SLC16A12: variants seen among roughly 807,000 people sequenced by gnomAD.
SLC16A12 encodes the protein monocarboxylate transporter 12.
Under a neutral mutation model 42.4 loss-of-function variants are expected in SLC16A12, and 17 were observed. The ratio of observed to expected loss-of-function variants is 0.40; its 90% CI spans 0.27 to 0.60. The LOEUF is 0.60. SLC16A12 is among the 20% of genes least tolerant of loss of function. SLC16A12 has a pLI of 0.42. For missense variants in SLC16A12, 544 were observed against 623.0 expected (o/e 0.87, Z 1.35); for synonymous variants, 224 against 229.4 (o/e 0.98, Z 0.21).
intron 2 of SLC16A12, among the ~76,000 whole-genome samples, chr10:89,529,258 G>A (rs2133866898): frequency 6.6e-6 from 1 of 152,226 alleles, no homozygotes; most frequent in South Asian, 2.1e-4. Context: ...CCCATGGAAA[G>A]TATTCCATCA....
intron 2 of SLC16A12, among the ~76,000 whole-genome samples, chr10:89,553,173 T>C (rs1437856819): frequency 1.3e-5 from 2 of 152,246 alleles, no homozygotes; most frequent in Non-Finnish European, 2.9e-5. Context: ...GCATATCTTT[T>C]ATTAGATTTG....
Position 89,462,420 on chromosome 10 carries a change from A to G in SLC16A12, c.159T>C (p.Ala53=), listed in dbSNP as rs577369974. 3.2e-5 allele frequency: 51 copies of G among 1,614,098 alleles called. No individual in the cohort carries two copies. In the South Asian group the frequency reaches 5.5e-4, roughly 17 times the overall value. ...PDGGWGWMIV[A]GCFLVTICTR... is the part of the protein sequence containing the mutation. ...TGCAGATGGTAACAAGGAAACAGCC[A>G]GCCACAATCATCCAGCCCCAGCCTC... The change falls in exon 3 of 8, where the codon GCT becomes GCC. Residue 53 remains alanine, a synonymous_variant. Transcript: ENST00000371790.
intron 2 of SLC16A12, among the ~76,000 whole-genome samples, chr10:89,500,740 G>C (rs1842981641): frequency 6.6e-6 from 1 of 151,990 alleles, no homozygotes; most frequent in African/African-American, 2.4e-5. Context: ...CTGGAACAAG[G>C]ATGTCCACTC....
intron 2 of SLC16A12, among the ~76,000 whole-genome samples, chr10:89,499,341 G>A (rs1842963844): frequency 6.6e-6 from 1 of 152,162 alleles, no homozygotes; most frequent in Admixed American, 6.5e-5. Flanking sequence ...GATCACCTGA[G>A]GTCAGGAGTT....
At chr10:89,535,918 G>T (rs1843651910), upstream of SLC16A12, among the ~76,000 whole-genome samples, 1 of 152,250 alleles carries the variant, frequency 6.6e-6, no homozygotes, top group African/African-American at 2.4e-5. Context: ...CTCGGCCTTC[G>T]AAATGCACCG....
At chr10:89,446,135 C>T (rs1192740212) in intron 3 of SLC16A12, among the ~76,000 whole-genome samples, 1 of 152,106 alleles carries the variant, frequency 6.6e-6, no homozygotes, top group Non-Finnish European at 1.5e-5. Flanking sequence ...ATTTGATTGG[C>T]GTCCCTCAAA....
intron 2 of SLC16A12, among the ~76,000 whole-genome samples, chr10:89,463,356 A>G (rs533714106): frequency 4.5e-4 from 68 of 152,284 alleles, no homozygotes; most frequent in Middle Eastern, 3.4e-3. Flanking sequence ...GACAAAGTAG[A>G]GAGCCCAGAA....
At chr10:89,533,089 T>C (rs1368058437) in intron 2 of SLC16A12, among the ~76,000 whole-genome samples, 2 of 152,180 alleles carry the variant, frequency 1.3e-5, no homozygotes, top group Admixed American at 1.3e-4. Flanking sequence ...GCAATTCACT[T>C]ACAGTAAAAT....
At chr10:89,518,989 T>A (rs1843303508) in intron 2 of SLC16A12, among the ~76,000 whole-genome samples, 1 of 152,186 alleles carries the variant, frequency 6.6e-6, no homozygotes, top group Admixed American at 6.5e-5. Context: ...TATGATATTT[T>A]AAAAATCTAT....
At position 89,430,589 on chromosome 10, in the gene SLC16A12, A is replaced by C. The variant is rs1235962771; in HGVS notation, c.*2475T>G. On this transcript the variant is annotated 3_prime_UTR_variant, in exon 8 of 8. Coordinates refer to ENST00000371790, the MANE Select transcript of SLC16A12 (RefSeq NM_213606.4). ...GTTTTGAAATAAACAGTATAGACACATGGAACATTAACACTAAAATTCTGT... is the reference window on the plus strand; with the variant it reads ...GTTTTGAAATAAACAGTATAGACACCTGGAACATTAACACTAAAATTCTGT... 1 of 457,930 alleles carries C rather than the reference A, an allele frequency of 2.2e-6. No homozygotes were observed. The highest frequency in any genetic ancestry group is 4.5e-6 in the Non-Finnish European group (1 of 224,208). The allele number at this position is 457,930 out of a possible 1,614,324, so 28.4% of individuals were successfully genotyped here.
chr10:89,465,379 C>T (rs747095018), intron 2 of SLC16A12, among the ~76,000 whole-genome samples: 2 of 152,172 alleles, frequency 1.3e-5, no homozygotes, highest in Admixed American at 6.5e-5. Context: ...GAATTGCAGC[C>T]TGACGTAGCT....
At chr10:89,435,516 C>G (rs1479392660) in intron 7 of SLC16A12, among the ~76,000 whole-genome samples, 1 of 152,178 alleles carries the variant, frequency 6.6e-6, no homozygotes, top group African/African-American at 2.4e-5. Context: ...TACCTCTCTC[C>G]TAAGTTACTA....
chr10:89,487,822 A>AAG (rs1217238235), intron 2 of SLC16A12, among the ~76,000 whole-genome samples: 1 of 129,536 alleles, frequency 7.7e-6, no homozygotes, highest in East Asian at 3.2e-4. Flanking sequence ...AAAAAAAAAA[A>AAG]AAAAAAAGGA....
intron 2 of SLC16A12, among the ~76,000 whole-genome samples, chr10:89,496,522 G>A (rs905811303): frequency 6.6e-6 from 1 of 152,106 alleles, no homozygotes. Context: ...AGGGGAAATA[G>A]ATGATGAAAG....
intron 2 of SLC16A12, among the ~76,000 whole-genome samples, chr10:89,512,320 T>A (rs146199461): frequency 6.6e-6 from 1 of 152,332 alleles, no homozygotes; most frequent in Admixed American, 6.5e-5. Context: ...TAAGGAATTT[T>A]AAGAAAACTT....
chr10:89,493,367 C>T (rs939120416), intron 2 of SLC16A12, among the ~76,000 whole-genome samples: 7 of 152,072 alleles, frequency 4.6e-5, no homozygotes, highest in Admixed American at 4.6e-4. Flanking sequence ...GGATTACAGG[C>T]ATGTGTCACT....
At chr10:89,530,625 T>C (rs978013305) in intron 2 of SLC16A12, among the ~76,000 whole-genome samples, 4 of 152,132 alleles carry the variant, frequency 2.6e-5, no homozygotes, top group African/African-American at 9.7e-5. Flanking sequence ...TTCACCGTGT[T>C]AGCCAGGATG....
intron 2 of SLC16A12, among the ~76,000 whole-genome samples, chr10:89,506,018 C>G (rs1420614491): frequency 6.6e-6 from 1 of 152,202 alleles, no homozygotes; most frequent in Non-Finnish European, 1.5e-5. Context: ...CCAACTGTCT[C>G]TCTAGATTCC....
At position 89,514,845 on chromosome 10, in the gene SLC16A12, C is replaced by T. The variant is rs184604209; in HGVS notation, c.-47+19656G>A. Among the ~76,000 whole-genome samples the T allele has an allele frequency of 2.4e-3, 362 of 152,308 alleles. 1 individual carries two copies. The highest frequency in any genetic ancestry group is 7.7e-3 in the African/African-American group (321 of 41,574). Reference sequence around the variant, plus strand: ...GTGGCTCATGCCTGTAATCCCAGCACTTTGGGAGGCCAAGGCAGGGGGATC... The same window carrying T: ...GTGGCTCATGCCTGTAATCCCAGCATTTTGGGAGGCCAAGGCAGGGGGATC... On this transcript the variant is annotated intron_variant, in intron 2 of 7. Transcript: ENST00000371790.
Sources: allele counts gnomAD v4.1 joint callset (sites outside exome capture counted in the v4.1 genomes callset), GRCh38; gene constraint gnomAD v4.1.1; transcripts MANE v1.5; gene names NCBI Gene and HGNC (gene_info 2026-07-23, HGNC 2026-07-21).